ERC1: variants seen among roughly 807,000 people sequenced by gnomAD.
ERC1 encodes the protein ELKS/RAB6-interacting/CAST family member 1, also known as RAB6 interacting protein 2.
ERC1 carries 56 observed loss-of-function variants against 132.0 expected under a neutral mutation model. That is an observed-to-expected ratio of 0.42 (90% confidence interval 0.34 to 0.53). The LOEUF (loss-of-function observed/expected upper bound fraction) is 0.53, where lower values mean the gene tolerates loss of function less well. ERC1 is among the 20% of genes least tolerant of loss of function. The pLI, the probability that ERC1 is intolerant of heterozygous loss-of-function variation, is 0.03. For synonymous variants in ERC1, 478 were observed against 476.1 expected, an observed-to-expected ratio of 1.00 and a Z score of -0.05; for missense variants, 1,202 against 1,349.9, an observed-to-expected ratio of 0.89 and a Z score of 1.72.
At chr12:1,044,003 G>T (rs926758766) in intron 2 of ERC1, among the ~76,000 whole-genome samples, 13 of 152,002 alleles carry the variant, frequency 8.6e-5, no homozygotes, top group African/African-American at 2.7e-4. Context: ...ACCGTATGTG[G>T]GAGTGGGCTT....
chr12:1,289,970 G>C lies in ERC1; in HGVS notation c.2738G>C (p.Arg913Pro). ...AEKETHLTNL[R>P]AERRKHLEEV... is the part of the protein sequence containing the mutation. ...AAGGAAACTCACTTGACTAATCTTC[G>C]GGCAGAGAGAAGGAAACACTTAGAG... Residue 913 changes from arginine (R) to proline (P), a missense_variant, in exon 15 of 19, where the codon CGG becomes CCG. Arg to Pro is a moderately radical substitution (Grantham distance 103). Coordinates refer to ENST00000360905, the MANE Select transcript of ERC1 (RefSeq NM_178040.4). 6.2e-7 allele frequency: 1 copy of C among 1,614,030 alleles called. No individual in the cohort carries two copies. Among genetic ancestry groups the C allele is most frequent in the East Asian group, 2.2e-5 (1 of 44,888 alleles).
chr12:1,387,405 A>G (rs930779289), intron 16 of ERC1, among the ~76,000 whole-genome samples: 3 of 152,254 alleles, frequency 2.0e-5, no homozygotes, highest in African/African-American at 7.2e-5. Context: ...TGCCCTCCCC[A>G]AACTTATAGC....
chr12:1,325,656 A>C (rs893238177), intron 15 of ERC1, among the ~76,000 whole-genome samples: 2 of 152,184 alleles, frequency 1.3e-5, no homozygotes, highest in African/African-American at 4.8e-5. Context: ...TAGATATTTC[A>C]GATTGTAATT....
chr12:1,092,340 C>G lies in ERC1; in HGVS notation c.1086+8760C>G, dbSNP rs376584858. Reference sequence around the variant, plus strand: ...AAAGTCACAACTTTCCCTGTTTTAACAATGAAATTGAGTTAAGTGTTAACA... The same window carrying G: ...AAAGTCACAACTTTCCCTGTTTTAAGAATGAAATTGAGTTAAGTGTTAACA... On this transcript the variant is annotated intron_variant, in intron 3 of 18. Transcript: ENST00000360905. Among the ~76,000 whole-genome samples, 24 of 152,228 alleles carry G rather than the reference C, an allele frequency of 1.6e-4. 1 individual carries two copies. In the East Asian group the frequency reaches 4.6e-3, roughly 29 times the overall value.
At chr12:1,058,823 GCT>G (rs1973502663) in intron 2 of ERC1, among the ~76,000 whole-genome samples, 1 of 126,772 alleles carries the variant, frequency 7.9e-6, no homozygotes, top group African/African-American at 3.0e-5. Flanking sequence ...ACGAGGTCTT[GCT>G]CTCTCATCCC....
At chr12:1,465,746 G>A (rs1036871606) in intron 18 of ERC1, among the ~76,000 whole-genome samples, 14 of 152,158 alleles carry the variant, frequency 9.2e-5, no homozygotes, top group African/African-American at 2.7e-4. Flanking sequence ...CTCTCTCCCC[G>A]CAGTACCACC....
At chr12:1,316,049 C>T (rs530544125) in intron 15 of ERC1, among the ~76,000 whole-genome samples, 10 of 152,188 alleles carry the variant, frequency 6.6e-5, no homozygotes, top group East Asian at 5.8e-4. Context: ...CCATCACGCC[C>T]GACTAATTTT....
At chr12:1,116,896 C>G (rs1946515470) in intron 7 of ERC1, among the ~76,000 whole-genome samples, 2 of 152,124 alleles carry the variant, frequency 1.3e-5, no homozygotes, top group Admixed American at 6.6e-5. Flanking sequence ...TTTTCAAAAT[C>G]TTGGAAGATG....
chr12:1,398,271 A>C (rs1352060247), intron 16 of ERC1, among the ~76,000 whole-genome samples: 1 of 152,198 alleles, frequency 6.6e-6, no homozygotes, highest in Non-Finnish European at 1.5e-5. Context: ...GACGTGAGCC[A>C]CCGTGCCCAG....
chr12:1,119,269 T>G (rs1008245761), intron 7 of ERC1, among the ~76,000 whole-genome samples: 35 of 151,746 alleles, frequency 2.3e-4, no homozygotes, highest in African/African-American at 4.1e-4. Context: ...TTTTTTTTGT[T>G]TTTTTTTTCC....
intron 17 of ERC1, among the ~76,000 whole-genome samples, chr12:1,436,908 C>T (rs2092965598): frequency 6.6e-6 from 1 of 152,006 alleles, no homozygotes; most frequent in Non-Finnish European, 1.5e-5. Context: ...GATTTTTGCC[C>T]CTAATGTCTC....
intron 17 of ERC1, among the ~76,000 whole-genome samples, chr12:1,435,575 C>G (rs1284740179): frequency 6.6e-6 from 1 of 152,138 alleles, no homozygotes; most frequent in African/African-American, 2.4e-5. Flanking sequence ...ATTTCCTCAT[C>G]CTCTTGGTGA....
rs1042410675 is a variant in ERC1 at position 1,212,439 on chromosome 12, G to C, written c.2351+22387G>C. Among the ~76,000 whole-genome samples, 4 of 152,080 alleles carry C rather than the reference G, an allele frequency of 2.6e-5. No individual in the cohort carries two copies. In the East Asian group the frequency reaches 7.8e-4, roughly 29 times the overall value. On this transcript the variant is annotated intron_variant, in intron 12 of 18. Coordinates refer to ENST00000360905, the MANE Select transcript of ERC1 (RefSeq NM_178040.4). The stretch of plus-strand genomic sequence containing the variant: ...CCACCTCCACCTCCAGACTAGCTTA[G>C]GGCTCTTTCCTGTCCACTCTAATAG...
At chr12:1,144,614 G>GTATATATATATATATATATATATATATA (rs142846830) in intron 8 of ERC1, among the ~76,000 whole-genome samples, 13 of 132,284 alleles carry the variant, frequency 9.8e-5, no homozygotes, top group African/African-American at 4.1e-4. Flanking sequence ...GAATTTTGTG[G>GTATATATATATATATATATATATATATA]TATATATATA....
At chr12:1,388,415 C>A (rs2089621388) in intron 16 of ERC1, among the ~76,000 whole-genome samples, 1 of 150,730 alleles carries the variant, frequency 6.6e-6, no homozygotes, top group African/African-American at 2.4e-5. Flanking sequence ...GCAGAGGGAT[C>A]ATTGTGGCCA....
At chr12:1,218,939 C>G (rs1047471737) in intron 12 of ERC1, among the ~76,000 whole-genome samples, 4 of 152,000 alleles carry the variant, frequency 2.6e-5, no homozygotes, top group African/African-American at 7.3e-5. Context: ...ATGGTGCCAT[C>G]TCAGCTCACT....
chr12:1,220,232 A>G (rs1958847542), intron 12 of ERC1, among the ~76,000 whole-genome samples: 2 of 152,256 alleles, frequency 1.3e-5, no homozygotes, highest in South Asian at 4.1e-4. Context: ...TTCTTAGCAC[A>G]TGTCACTGTG....
intron 17 of ERC1, among the ~76,000 whole-genome samples, chr12:1,420,779 C>T (rs2092393878): frequency 6.6e-6 from 1 of 151,848 alleles, no homozygotes; most frequent in African/African-American, 2.4e-5. Flanking sequence ...AAGCAAAACC[C>T]TACAGGAGAG....
At chr12:1,396,773 A>G (rs1470052225) in intron 16 of ERC1, among the ~76,000 whole-genome samples, 1 of 152,184 alleles carries the variant, frequency 6.6e-6, no homozygotes, top group African/African-American at 2.4e-5. Flanking sequence ...GGTTTACAAA[A>G]TGCCTATACA....
Sources: gnomAD v4.1 joint callset for allele counts (sites outside exome capture counted in the v4.1 genomes callset) on GRCh38, gnomAD v4.1.1 for gene constraint, MANE v1.5 for transcripts, NCBI Gene and HGNC (gene_info 2026-07-23, HGNC 2026-07-21) for gene names.